The following HIVEP2 variants were observed in gnomAD, a reference collection of about 807,000 sequenced individuals.
The protein encoded by HIVEP2 is HIVEP zinc finger 2, also known as transcription factor HIVEP2.
HIVEP2 carries 14 observed loss-of-function variants against 180.7 expected under a neutral mutation model. The ratio of observed to expected loss-of-function variants is 0.08; its 90% CI spans 0.05 to 0.12. The LOEUF is 0.12. Ranked by LOEUF, HIVEP2 falls within the 10% of genes least tolerant of loss-of-function variation. The probability of loss-of-function intolerance (pLI) is 1.00; values close to 1 mark genes in which losing one functional copy is unlikely to be tolerated. For missense variants in HIVEP2, 2,579 were observed against 3,008.5 expected (o/e 0.86, Z 3.34); for synonymous variants, 1,184 against 1,136.4 (o/e 1.04, Z -0.84).
chr6:142,773,230 T>A lies in HIVEP2; in HGVS notation c.1509A>T (p.Arg503Ser), dbSNP rs550154900. 3.9e-5 allele frequency: 63 copies of A among 1,614,218 alleles called. 1 individual carries two copies. In the South Asian group the frequency reaches 6.4e-4, roughly 16 times the overall value. The change falls in exon 5 of 10, where the codon AGA becomes AGT. Residue 503 changes from arginine to serine, a missense_variant. By Grantham distance (110) the Arg-to-Ser change is moderately radical. Coordinates refer to ENST00000367603, the MANE Select transcript of HIVEP2 (RefSeq NM_006734.4). The part of the protein sequence containing the change: ...LKSTKFNSES[R>S]QPQIIPSSIR... Reference sequence around the variant, plus strand: ...TAGATGATGGAATAATCTGGGGTTGTCTGGACTCACTGTTGAACTTAGTGG... The same window carrying A: ...TAGATGATGGAATAATCTGGGGTTGACTGGACTCACTGTTGAACTTAGTGG...
At chr6:142,828,800 A>G (rs1399440288) in intron 2 of HIVEP2, among the ~76,000 whole-genome samples, 1 of 152,176 alleles carries the variant, frequency 6.6e-6, no homozygotes, top group South Asian at 2.1e-4. Flanking sequence ...ATTTCTCTCA[A>G]TACTGAGCAC....
intron 1 of HIVEP2, among the ~76,000 whole-genome samples, chr6:142,928,256 C>T (rs1777861316): frequency 6.6e-6 from 1 of 152,188 alleles, no homozygotes; most frequent in Non-Finnish European, 1.5e-5. Context: ...AAAATATAAA[C>T]TCTATTTTTA....
chr6:142,934,257 C>G (rs1417652508), intron 1 of HIVEP2, among the ~76,000 whole-genome samples: 1 of 152,056 alleles, frequency 6.6e-6, no homozygotes, highest in Admixed American at 6.5e-5. Context: ...TGCTGTATTC[C>G]CAGGAGGTAG....
At chr6:142,786,993 C>T (rs1452886795) in intron 2 of HIVEP2, among the ~76,000 whole-genome samples, 1 of 152,118 alleles carries the variant, frequency 6.6e-6, no homozygotes, top group East Asian at 1.9e-4. Context: ...TAATTATTGG[C>T]TGGATGTAGT....
intron 1 of HIVEP2, among the ~76,000 whole-genome samples, chr6:142,909,975 T>C (rs1387859116): frequency 6.6e-6 from 1 of 152,194 alleles, no homozygotes; most frequent in Non-Finnish European, 1.5e-5. Flanking sequence ...ATTTCCTTCT[T>C]CACTTTCAGG....
At chr6:142,765,033 A>G in intron 6 of HIVEP2, 59 bp from the exon 7 acceptor site, 1 of 1,463,876 alleles carries the variant, frequency 6.8e-7, no homozygotes, top group East Asian at 2.3e-5. Flanking sequence ...GCTATATATT[A>G]AAGCAAAAGC....
At chr6:142,936,067 G>A (rs1016290714) in intron 1 of HIVEP2, among the ~76,000 whole-genome samples, 38 of 151,790 alleles carry the variant, frequency 2.5e-4, no homozygotes, top group South Asian at 6.3e-4. Context: ...AACCGTGATC[G>A]CGCCACTGCA....
intron 1 of HIVEP2, among the ~76,000 whole-genome samples, chr6:142,849,232 G>C (rs1362656074): frequency 6.6e-6 from 1 of 152,188 alleles, no homozygotes; most frequent in African/African-American, 2.4e-5. Flanking sequence ...CCATAGGAAA[G>C]AGAGGAGGAG....
At chr6:142,793,624 C>G (rs1463104003) in intron 2 of HIVEP2, among the ~76,000 whole-genome samples, 5 of 14,106 alleles carry the variant, frequency 3.5e-4, no homozygotes, top group Non-Finnish European at 7.0e-4. Context: ...CCTTCCTTCT[C>G]TTTCTTTCTT....
chr6:142,780,781 A>G (rs1260853602), intron 3 of HIVEP2, among the ~76,000 whole-genome samples: 4 of 152,182 alleles, frequency 2.6e-5, no homozygotes, highest in Admixed American at 6.5e-5. Flanking sequence ...CTCATGTTAT[A>G]CTGAGGAAAA....
intron 1 of HIVEP2, among the ~76,000 whole-genome samples, chr6:142,867,796 A>T (rs1246712409): frequency 6.6e-6 from 1 of 152,202 alleles, no homozygotes; most frequent in Non-Finnish European, 1.5e-5. Flanking sequence ...GTGGATTCGC[A>T]TGCAAGACTT....
chr6:142,806,229 C>G (rs1372287488), intron 2 of HIVEP2, among the ~76,000 whole-genome samples: 1 of 152,060 alleles, frequency 6.6e-6, no homozygotes, highest in Non-Finnish European at 1.5e-5. Context: ...CTTACAATCT[C>G]CTTTGAGAAA....
intron 5 of HIVEP2, 95 bp downstream of exon 5, chr6:142,769,457 T>G: frequency 8.8e-7 from 1 of 1,132,036 alleles, no homozygotes; most frequent in Non-Finnish European, 1.3e-6. Flanking sequence ...TCATTTTACT[T>G]GTATTTTTTT....
chr6:142,938,251 C>T (rs1778101162), intron 1 of HIVEP2, among the ~76,000 whole-genome samples: 1 of 152,206 alleles, frequency 6.6e-6, no homozygotes, highest in South Asian at 2.1e-4. Flanking sequence ...TTTTGCTTCA[C>T]ATTACACAGG....
chr6:142,910,968 C>G (rs1020508019), intron 1 of HIVEP2, among the ~76,000 whole-genome samples: 5 of 151,976 alleles, frequency 3.3e-5, no homozygotes, highest in African/African-American at 9.7e-5. Context: ...AGTCTGAGCC[C>G]TAAAGACTCA....
chr6:142,858,128 A>T (rs1302947318), intron 1 of HIVEP2, among the ~76,000 whole-genome samples: 1 of 152,228 alleles, frequency 6.6e-6, no homozygotes, highest in Non-Finnish European at 1.5e-5. Context: ...TAACAGTGAC[A>T]TAAAGCATCA....
chr6:142,900,575 G>C (rs1034639925), intron 1 of HIVEP2, among the ~76,000 whole-genome samples: 1 of 152,152 alleles, frequency 6.6e-6, no homozygotes, highest in Admixed American at 6.5e-5. Context: ...GCAGCCAAGT[G>C]CCCCCCTGAG....
intron 3 of HIVEP2, among the ~76,000 whole-genome samples, chr6:142,777,056 A>G (rs748559407): frequency 5.9e-5 from 9 of 152,308 alleles, no homozygotes; most frequent in East Asian, 1.9e-4. Context: ...GAGAACTTCA[A>G]TGATAAACTG....
intron 1 of HIVEP2, among the ~76,000 whole-genome samples, chr6:142,840,241 T>A (rs1775329370): frequency 6.6e-6 from 1 of 152,174 alleles, no homozygotes; most frequent in Non-Finnish European, 1.5e-5. Context: ...GGTTTCAAAG[T>A]GACTCTTGAA....
Sources: gnomAD v4.1 joint callset for allele counts (sites outside exome capture counted in the v4.1 genomes callset) on GRCh38, gnomAD v4.1.1 for gene constraint, MANE v1.5 for transcripts, NCBI Gene and HGNC (gene_info 2026-07-23, HGNC 2026-07-21) for gene names.